Variants in ZFYVE9 observed in about 807,000 individuals in gnomAD.
ZFYVE9 encodes zinc finger FYVE-type containing 9.
Under a neutral mutation model 126.7 loss-of-function variants are expected in ZFYVE9, and 43 were observed. The ratio of observed to expected loss-of-function variants is 0.34; its 90% CI spans 0.27 to 0.44. ZFYVE9 has a LOEUF of 0.44. Ranked by LOEUF, ZFYVE9 falls within the 20% of genes least tolerant of loss-of-function variation. ZFYVE9 has a pLI of 1.00. For missense variants in ZFYVE9, 1,476 were observed against 1,697.0 expected (o/e 0.87, Z 2.29); for synonymous variants, 521 against 597.4 (o/e 0.87, Z 1.87).
At chr1:52,233,842 G>C (rs1421147582) in intron 3 of ZFYVE9, among the ~76,000 whole-genome samples, 1 of 152,130 alleles carries the variant, frequency 6.6e-6, no homozygotes, top group Non-Finnish European at 1.5e-5. Context: ...TCCCAAGCTG[G>C]AGTGCAGTGC....
intron 2 of ZFYVE9, among the ~76,000 whole-genome samples, chr1:52,225,315 A>C (rs1472291659): frequency 6.6e-6 from 1 of 152,192 alleles, no homozygotes; most frequent in Non-Finnish European, 1.5e-5. Context: ...TCCCCATGAA[A>C]GATAATCACT....
At chr1:52,345,955 A>C in intron 18 of ZFYVE9, 105 bp from the exon 19 acceptor site, 2 of 1,221,148 alleles carry the variant, frequency 1.6e-6, no homozygotes, top group South Asian at 2.1e-5. Context: ...TGTTTAGCCT[A>C]TGGCCAAAAA....
At chr1:52,243,506 A>G (rs1557477330) in intron 4 of ZFYVE9, among the ~76,000 whole-genome samples, 1 of 152,224 alleles carries the variant, frequency 6.6e-6, no homozygotes, top group African/African-American at 2.4e-5. Flanking sequence ...CACCTATTCA[A>G]CAAACTGAAG....
intron 1 of ZFYVE9, among the ~76,000 whole-genome samples, chr1:52,174,622 T>C (rs1644606814): frequency 6.6e-6 from 1 of 151,718 alleles, no homozygotes; most frequent in Non-Finnish European, 1.5e-5. Context: ...TCTCCCATTA[T>C]TATTGTGTGG....
chr1:52,256,502 C>G (rs1381093408), intron 4 of ZFYVE9, among the ~76,000 whole-genome samples: 1 of 152,114 alleles, frequency 6.6e-6, no homozygotes, highest in African/African-American at 2.4e-5. Context: ...CTCAGCCTCT[C>G]AAGTAGCTGG....
At chr1:52,158,613 G>A (rs561683016) in intron 1 of ZFYVE9, among the ~76,000 whole-genome samples, 57 of 152,230 alleles carry the variant, frequency 3.7e-4, no homozygotes, top group Non-Finnish European at 7.4e-4. Context: ...TTCAGCCACC[G>A]TGAAGCAGTG....
intron 1 of ZFYVE9, among the ~76,000 whole-genome samples, chr1:52,181,642 G>A (rs1311756086): frequency 2.6e-5 from 4 of 151,738 alleles, no homozygotes; most frequent in South Asian, 2.1e-4. Context: ...AGTGAGGAGC[G>A]CCTCTTCCCG....
At chr1:52,256,283 G>A (rs1645518499) in intron 4 of ZFYVE9, among the ~76,000 whole-genome samples, 1 of 152,004 alleles carries the variant, frequency 6.6e-6, no homozygotes, top group Admixed American at 6.6e-5. Flanking sequence ...TGGTCAGGCT[G>A]GTCTTGAACT....
At chr1:52,175,736 T>A (rs1161027976) in intron 1 of ZFYVE9, among the ~76,000 whole-genome samples, 2 of 152,216 alleles carry the variant, frequency 1.3e-5, no homozygotes, top group African/African-American at 4.8e-5. Context: ...ACTTCCCTTC[T>A]TGCTTCATTT....
chr1:52,334,806 G>T, intron 15 of ZFYVE9, 38 bp downstream of exon 15: 1 of 1,593,310 alleles, frequency 6.3e-7, no homozygotes, highest in South Asian at 1.1e-5. Flanking sequence ...AATAAGGACT[G>T]AACTTATGTA....
intron 13 of ZFYVE9, among the ~76,000 whole-genome samples, chr1:52,306,771 C>T (rs1159877405): frequency 6.6e-6 from 1 of 152,252 alleles, no homozygotes; most frequent in African/African-American, 2.4e-5. Context: ...AAGCTGCTTG[C>T]GGTGCACCTG....
At chr1:52,273,287 G>A (rs1205467044) in intron 7 of ZFYVE9, among the ~76,000 whole-genome samples, 1 of 152,106 alleles carries the variant, frequency 6.6e-6, no homozygotes, top group African/African-American at 2.4e-5. Flanking sequence ...GATTACAGGC[G>A]TGAGCCACCG....
chr1:52,196,257 A>T (rs1301919495), intron 1 of ZFYVE9, among the ~76,000 whole-genome samples: 3 of 152,232 alleles, frequency 2.0e-5, no homozygotes, highest in Admixed American at 2.0e-4. Context: ...GAATGTGCTA[A>T]ATGTTGAAGT....
chr1:52,333,005 T>C, intron 14 of ZFYVE9, 87 bp downstream of exon 14: 1 of 1,517,320 alleles, frequency 6.6e-7, no homozygotes, highest in Non-Finnish European at 9.0e-7. Flanking sequence ...TAACACTCAC[T>C]TTCTAGATAG....
chr1:52,192,740 A>G (rs1240745097), intron 1 of ZFYVE9, among the ~76,000 whole-genome samples: 2 of 152,202 alleles, frequency 1.3e-5, no homozygotes, highest in Non-Finnish European at 2.9e-5. Flanking sequence ...CATAACAGAA[A>G]AAAATGGACA....
At chr1:52,345,140 A>T (rs1215928180) in intron 18 of ZFYVE9, among the ~76,000 whole-genome samples, 196 bp downstream of exon 18, 2 of 152,106 alleles carry the variant, frequency 1.3e-5, no homozygotes, top group African/African-American at 4.8e-5. Flanking sequence ...GAACCATTTG[A>T]ACTGTGGCTT....
intron 1 of ZFYVE9, among the ~76,000 whole-genome samples, chr1:52,186,899 G>A (rs1299764629): frequency 6.6e-6 from 1 of 152,114 alleles, no homozygotes; most frequent in African/African-American, 2.4e-5. Flanking sequence ...ACTGTCCAAA[G>A]CAACTTACAG....
intron 17 of ZFYVE9, among the ~76,000 whole-genome samples, chr1:52,341,498 C>T (rs529779324): frequency 2.6e-5 from 4 of 152,132 alleles, no homozygotes; most frequent in East Asian, 3.9e-4. Flanking sequence ...AAATAAAATA[C>T]GAAAAAAATT....
At chr1:52,181,855 C>T (rs1292152120) in intron 1 of ZFYVE9, among the ~76,000 whole-genome samples, 1 of 152,048 alleles carries the variant, frequency 6.6e-6, no homozygotes, top group Non-Finnish European at 1.5e-5. Context: ...TGCAGCCGCC[C>T]CGTCTGAGAA....
Sources: gnomAD v4.1 joint callset for allele counts (sites outside exome capture counted in the v4.1 genomes callset) on GRCh38, gnomAD v4.1.1 for gene constraint, MANE v1.5 for transcripts, NCBI Gene and HGNC (gene_info 2026-07-23, HGNC 2026-07-21) for gene names.